KIF26B: variants seen among roughly 807,000 people sequenced by gnomAD.
KIF26B encodes the protein kinesin family member 26B.
In KIF26B, 63 loss-of-function variants were observed where a neutral mutation model predicts 151.2. The ratio of observed to expected loss-of-function variants is 0.42; its 90% CI spans 0.34 to 0.51. KIF26B has a LOEUF of 0.51. KIF26B is among the 20% of genes least tolerant of loss of function. The probability of loss-of-function intolerance (pLI) is 0.07; values close to 1 mark genes in which losing one functional copy is unlikely to be tolerated. For missense variants in KIF26B, 2,813 were observed against 2,913.6 expected, an observed-to-expected ratio of 0.97 and a Z score of 0.79; for synonymous variants, 1,357 against 1,262.1, an observed-to-expected ratio of 1.08 and a Z score of -1.59.
At chr1:245,522,070 CGT>C (rs1661135094) in intron 4 of KIF26B, among the ~76,000 whole-genome samples, 1 of 152,032 alleles carries the variant, frequency 6.6e-6, no homozygotes, top group South Asian at 2.1e-4. Flanking sequence ...GGGGTTTCAC[CGT>C]GTTAGCCAGG....
chr1:245,501,907 G>A (rs1320709887), intron 4 of KIF26B, among the ~76,000 whole-genome samples: 2 of 152,118 alleles, frequency 1.3e-5, no homozygotes, highest in African/African-American at 2.4e-5. Context: ...CTGCACTGCC[G>A]CACATTCATG....
rs1218770359 is a variant in KIF26B at position 245,375,847 on chromosome 1, C to T, written c.999+8480C>T. The stretch of plus-strand genomic sequence containing the variant: ...GCTTTTCATCTCACACAACAAACCC[C>T]GTTACCCTGCGGATCGGCCGGTCCA... On this transcript the variant is annotated intron_variant, in intron 3 of 14. Transcript: ENST00000407071. The surrounding 1 kb of genome is among the most constrained non-coding windows in gnomAD (Gnocchi z 4.2). 1.3e-5 allele frequency among the ~76,000 whole-genome samples: 2 copies of T among 152,116 alleles called. No individual in the cohort carries two copies. Among genetic ancestry groups the T allele is most frequent in the Non-Finnish European group, 2.9e-5 (2 of 68,034 alleles).
At chr1:245,588,165 A>C (rs1328762087) in intron 5 of KIF26B, among the ~76,000 whole-genome samples, 1 of 152,132 alleles carries the variant, frequency 6.6e-6, no homozygotes, top group Non-Finnish European at 1.5e-5. Flanking sequence ...CTTTTTGTTT[A>C]ATGCTTATGA....
chr1:245,605,837 C>T (rs2043446756), intron 6 of KIF26B, among the ~76,000 whole-genome samples: 1 of 152,184 alleles, frequency 6.6e-6, no homozygotes, highest in African/African-American at 2.4e-5. Context: ...CAACTCTGCA[C>T]AGCAGGTCTC....
chr1:245,279,186 C>T (rs1670991939), intron 2 of KIF26B, among the ~76,000 whole-genome samples: 1 of 152,088 alleles, frequency 6.6e-6, no homozygotes, highest in Non-Finnish European at 1.5e-5. Context: ...CTGAAAAGAA[C>T]TCATAATTAG....
Position 245,688,769 on chromosome 1 carries a change from G to A in KIF26B, c.5786G>A (p.Cys1929Tyr), listed in dbSNP as rs767844427. 2 of 1,598,274 alleles carry A rather than the reference G, an allele frequency of 1.3e-6. No individual in the cohort carries two copies. The highest frequency in any genetic ancestry group is 4.5e-5 in the East Asian group (2 of 44,352). ...AACAGCAGCTCCGTGGGCGGCAGGT[G>A]CCGGAGCCTCAAGACCCCGAAGAAA... ...SENSSSVGGR[C>Y]RSLKTPKKRS... The change falls in exon 12 of 15, where the codon TGC becomes TAC. Residue 1929 changes from cysteine (C) to tyrosine (Y), a missense_variant. Cys to Tyr is a radical substitution (Grantham distance 194, BLOSUM62 -2). Coordinates refer to ENST00000407071, the MANE Select transcript of KIF26B (RefSeq NM_018012.4).
chr1:245,331,044 G>A (rs1672099115), intron 2 of KIF26B, among the ~76,000 whole-genome samples: 1 of 152,032 alleles, frequency 6.6e-6, no homozygotes, highest in South Asian at 2.1e-4. Context: ...ATGATCCTGA[G>A]ACGCTGATGT....
Position 245,155,146 on chromosome 1 carries a change from C to T in KIF26B, c.-279C>T. 1.8e-6 allele frequency: 1 copy of T among 547,610 alleles called. No homozygotes were observed. The highest frequency in any genetic ancestry group is 3.2e-6 in the Non-Finnish European group (1 of 317,038). 33.9% of individuals were successfully genotyped at this position (547,610 alleles called of 1,614,324 possible). A position where few individuals can be genotyped will look rare whatever the true frequency, so the allele number is the denominator to read the frequency against. On this transcript the variant is annotated 5_prime_UTR_variant, in exon 1 of 15. Coordinates refer to ENST00000407071, the MANE Select transcript of KIF26B (RefSeq NM_018012.4). ...GAAAATGCCAGTTCTGTGGATGTGG[C>T]CGTGACAAGAGGACGTGCGGCTGGA... is the stretch of plus-strand genomic sequence containing the variant.
intron 2 of KIF26B, among the ~76,000 whole-genome samples, chr1:245,328,692 A>G (rs1295254497): frequency 1.3e-5 from 2 of 152,184 alleles, no homozygotes; most frequent in Non-Finnish European, 2.9e-5. Flanking sequence ...AAAGGGCACG[A>G]CACTCATTTT....
At chr1:245,389,424 G>A (rs1285384480) in intron 3 of KIF26B, among the ~76,000 whole-genome samples, 2 of 150,760 alleles carry the variant, frequency 1.3e-5, no homozygotes, top group African/African-American at 4.9e-5. Context: ...AAAAAAAAAA[G>A]CCCATTTTCC....
At chr1:245,430,987 A>C (rs1658763561) in intron 4 of KIF26B, among the ~76,000 whole-genome samples, 1 of 152,204 alleles carries the variant, frequency 6.6e-6, no homozygotes, top group Non-Finnish European at 1.5e-5. Flanking sequence ...CTAAAAGAAC[A>C]CTCAAGAAAT....
chr1:245,388,388 T>C (rs931857233), intron 3 of KIF26B, among the ~76,000 whole-genome samples: 1 of 152,216 alleles, frequency 6.6e-6, no homozygotes, highest in African/African-American at 2.4e-5. Flanking sequence ...AGGATGCACT[T>C]TTAATTCCTG....
chr1:245,687,529 G>A lies in KIF26B; in HGVS notation c.4546G>A (p.Ala1516Thr). ...FRRVVDGCEM[A>T]LPGLATQSPV... The stretch of plus-strand genomic sequence containing the variant: ...GAGGGTCGTGGATGGGTGTGAGATG[G>A]CCCTGCCCGGTTTGGCCACCCAGAG... Residue 1516 changes from alanine to threonine, a missense_variant, in exon 12 of 15, where the codon GCC (alanine) becomes ACC (threonine). Coordinates refer to ENST00000407071, the MANE Select transcript of KIF26B (RefSeq NM_018012.4). The surrounding 1 kb of genome is among the most constrained non-coding windows in gnomAD (Gnocchi z 4.9). The A allele has an allele frequency of 6.4e-7, 1 of 1,570,896 alleles. No individual in the cohort carries two copies. Among genetic ancestry groups the A allele is most frequent in the Non-Finnish European group, 8.6e-7 (1 of 1,158,432 alleles).
chr1:245,269,369 T>G (rs1449141882), intron 2 of KIF26B, among the ~76,000 whole-genome samples: 1 of 150,962 alleles, frequency 6.6e-6, no homozygotes, highest in Non-Finnish European at 1.5e-5. Flanking sequence ...CTCATCTAAA[T>G]AGAATCACAC....
In KIF26B at chr1:245,227,440, C is replaced by T. The variant is rs1669898419; in HGVS notation, c.465+70757C>T. Among the ~76,000 whole-genome samples the T allele has an allele frequency of 6.6e-6, 1 of 152,212 alleles. No individual in the cohort carries two copies. The highest frequency in any genetic ancestry group is 6.5e-5 in the Admixed American group (1 of 15,284). On this transcript the variant is annotated intron_variant, in intron 2 of 14. Transcript: ENST00000407071. This position sits in a 1 kb window ranked among gnomAD's most constrained non-coding sequence, Gnocchi z 4.1. ...CTAAGGCTGCGGCCTCCGTCCTCTT[C>T]GCCATCATTGGCCTCTCTTGTTTCT...
Position 245,167,764 on chromosome 1 carries a change from G to C in KIF26B, c.465+11081G>C, listed in dbSNP as rs77873150. ...CAGAGTGTCTTCCCCATGGTACCATGGCTGGGAATTAGAGCATCAGGTGTC... is the reference window on the plus strand; with the variant it reads ...CAGAGTGTCTTCCCCATGGTACCATCGCTGGGAATTAGAGCATCAGGTGTC... On this transcript the variant is annotated intron_variant, in intron 2 of 14. Transcript: ENST00000407071. This position sits in a 1 kb window ranked among gnomAD's most constrained non-coding sequence, Gnocchi z 4.2. 6.6e-6 allele frequency among the ~76,000 whole-genome samples: 1 copy of C among 152,120 alleles called. No homozygotes were observed. Among genetic ancestry groups the C allele is most frequent in the Non-Finnish European group, 1.5e-5 (1 of 68,024 alleles).
At chr1:245,502,381 G>T (rs1360760553) in intron 4 of KIF26B, among the ~76,000 whole-genome samples, 1 of 152,076 alleles carries the variant, frequency 6.6e-6, no homozygotes, top group Non-Finnish European at 1.5e-5. Context: ...ACAAAAATTA[G>T]CTGGGTGTAT....
chr1:245,162,480 G>T (rs1668549501), intron 2 of KIF26B, among the ~76,000 whole-genome samples: 1 of 141,172 alleles, frequency 7.1e-6, no homozygotes, highest in African/African-American at 2.7e-5. Context: ...CTGCCTCCTG[G>T]ATTCAAGCAA....
chr1:245,499,870 G>A (rs1660585371), intron 4 of KIF26B, among the ~76,000 whole-genome samples: 1 of 152,228 alleles, frequency 6.6e-6, no homozygotes, highest in African/African-American at 2.4e-5. Context: ...TGGGTGCGAG[G>A]TACACAGTGG....
Sources: gnomAD v4.1 joint callset for allele counts (sites outside exome capture counted in the v4.1 genomes callset) on GRCh38, gnomAD v4.1.1 for gene constraint, Gnocchi (gnomAD v3.1) non-coding constraint, MANE v1.5 for transcripts, NCBI Gene and HGNC (gene_info 2026-07-23, HGNC 2026-07-21) for gene names.